The following CD47 variants were observed in gnomAD, a reference collection of about 807,000 sequenced individuals.
CD47 encodes the protein leukocyte surface antigen CD47.
CD47 carries 11 observed loss-of-function variants against 44.6 expected under a neutral mutation model. The ratio of observed to expected loss-of-function variants is 0.25; its 90% CI spans 0.16 to 0.41. CD47 has a LOEUF of 0.41. Ranked by LOEUF, CD47 falls within the 10% of genes least tolerant of loss-of-function variation. CD47 has a pLI of 1.00. For missense variants in CD47, 306 were observed against 386.7 expected, an observed-to-expected ratio of 0.79 and a Z score of 1.75; for synonymous variants, 140 against 136.3, an observed-to-expected ratio of 1.03 and a Z score of -0.19.
intron 1 of CD47, among the ~76,000 whole-genome samples, chr3:108,084,401 C>T (rs1385885818): frequency 6.6e-6 from 1 of 152,024 alleles, no homozygotes; most frequent in Non-Finnish European, 1.5e-5. Flanking sequence ...CCACCCCATC[C>T]TAGTTTGCTT....
At chr3:108,078,102 G>A (rs773982359) in intron 2 of CD47, among the ~76,000 whole-genome samples, 4 of 152,024 alleles carry the variant, frequency 2.6e-5, no homozygotes, top group Non-Finnish European at 4.4e-5. Flanking sequence ...TGGGGGGACT[G>A]GGTGAAGGGC....
intron 2 of CD47, among the ~76,000 whole-genome samples, chr3:108,079,470 T>C (rs546952288): frequency 6.9e-6 from 1 of 145,136 alleles, no homozygotes; most frequent in African/African-American, 2.6e-5. Flanking sequence ...TCTGAAGAAA[T>C]CATCCATGAT....
intron 3 of CD47, among the ~76,000 whole-genome samples, chr3:108,064,105 A>T (rs1029710668): frequency 6.6e-6 from 1 of 152,236 alleles, no homozygotes; most frequent in South Asian, 2.1e-4. Flanking sequence ...CCCTTTTGCT[A>T]GTCTAAATCA....
intron 2 of CD47, among the ~76,000 whole-genome samples, chr3:108,071,999 A>T (rs1038797658): frequency 6.6e-6 from 1 of 152,226 alleles, no homozygotes; most frequent in Admixed American, 6.5e-5. Flanking sequence ...GTCACATGTT[A>T]CTTTTATCAT....
intron 3 of CD47, among the ~76,000 whole-genome samples, chr3:108,061,553 A>G (rs1220870029): frequency 6.6e-6 from 1 of 152,198 alleles, no homozygotes; most frequent in African/African-American, 2.4e-5. Flanking sequence ...AACTGCAAAG[A>G]CTCAATGGGA....
intron 3 of CD47, among the ~76,000 whole-genome samples, chr3:108,067,246 G>A (rs1400409600): frequency 6.6e-6 from 1 of 152,164 alleles, no homozygotes. Context: ...AAATTTTAAA[G>A]GTCATGGAAC....
intron 3 of CD47, among the ~76,000 whole-genome samples, chr3:108,062,567 T>C (rs780157850): frequency 1.4e-4 from 21 of 152,084 alleles, no homozygotes; most frequent in Admixed American, 6.5e-5. Context: ...CAACAAGAAT[T>C]TGCCTTAGAG....
At chr3:108,064,513 G>A (rs920280036) in intron 3 of CD47, among the ~76,000 whole-genome samples, 1 of 152,178 alleles carries the variant, frequency 6.6e-6, no homozygotes, top group African/African-American at 2.4e-5. Flanking sequence ...AATGCAGGTT[G>A]TGACTGATGA....
At chr3:108,085,134 A>G (rs1345221701) in intron 1 of CD47, among the ~76,000 whole-genome samples, 2 of 152,084 alleles carry the variant, frequency 1.3e-5, no homozygotes, top group Non-Finnish European at 2.9e-5. Context: ...AGCTCCAATC[A>G]TAATGACGTT....
chr3:108,057,520 T>C lies in CD47; in HGVS notation c.834A>G (p.Leu278=), dbSNP rs1029576510. The change falls in exon 7 of 11, where the codon TTA becomes TTG. Residue 278 remains leucine (L), a synonymous_variant. Coordinates refer to ENST00000361309, the MANE Select transcript of CD47 (RefSeq NM_001777.4). ...GPLLISGLSI[L]ALAQLLGLVY... ...CTAGTCCAAGTAATTGTGCTAGAGC[T>C]AAGATACTCAAACCTGAAATCAGAA... 14 of 1,588,158 alleles carry C rather than the reference T, an allele frequency of 8.8e-6. No individual in the cohort carries two copies. Among genetic ancestry groups the C allele is most frequent in the Non-Finnish European group, 1.0e-5 (12 of 1,156,728 alleles).
At chr3:108,089,520 T>C (rs971293416) in intron 1 of CD47, among the ~76,000 whole-genome samples, 1 of 152,228 alleles carries the variant, frequency 6.6e-6, no homozygotes, top group African/African-American at 2.4e-5. Flanking sequence ...GAAGGCGTTC[T>C]GAAATTATTA....
chr3:108,076,417 T>G (rs1312358709), intron 2 of CD47, among the ~76,000 whole-genome samples: 1 of 152,204 alleles, frequency 6.6e-6, no homozygotes, highest in East Asian at 1.9e-4. Context: ...ACAGAAATAT[T>G]AATGATAAAT....
chr3:108,052,100 T>C, intron 7 of CD47, 130 bp from the exon 8 acceptor site: 1 of 550,678 alleles, frequency 1.8e-6, no homozygotes, highest in South Asian at 2.2e-5. Flanking sequence ...ATGAAAGAGT[T>C]CCAGCTCTGA....
chr3:108,066,154 T>C (rs995618908), intron 3 of CD47, among the ~76,000 whole-genome samples: 5 of 152,124 alleles, frequency 3.3e-5, no homozygotes, highest in African/African-American at 1.2e-4. Flanking sequence ...TTTCCTTGAA[T>C]TTTCTAACAA....
At chr3:108,058,960 G>A (rs2078965238) in intron 5 of CD47, among the ~76,000 whole-genome samples, 1 of 152,146 alleles carries the variant, frequency 6.6e-6, no homozygotes, top group Admixed American at 6.5e-5. Context: ...AAAATGCAGT[G>A]AAAATGATAC....
At chr3:108,070,032 C>T (rs1266454075) in intron 3 of CD47, among the ~76,000 whole-genome samples, 1 of 152,130 alleles carries the variant, frequency 6.6e-6, no homozygotes, top group Non-Finnish European at 1.5e-5. Flanking sequence ...AAGTTGAGAA[C>T]ATTTCTGAAA....
chr3:108,060,011 T>C (rs962407156), intron 4 of CD47, among the ~76,000 whole-genome samples: 7 of 152,208 alleles, frequency 4.6e-5, no homozygotes, highest in Non-Finnish European at 1.0e-4. Flanking sequence ...GCTATAGTTA[T>C]TAGGTTGAGT....
chr3:108,058,692 G>T (rs1030584943), intron 5 of CD47, among the ~76,000 whole-genome samples: 1 of 152,150 alleles, frequency 6.6e-6, no homozygotes, highest in African/African-American at 2.4e-5. Context: ...GAACAATGCT[G>T]CTTTTACCAC....
intron 1 of CD47, among the ~76,000 whole-genome samples, chr3:108,087,256 A>G (rs867103395): frequency 2.7e-4 from 41 of 152,160 alleles, no homozygotes; most frequent in African/African-American, 9.9e-4. Context: ...GGATGAAGTC[A>G]GATCTCTCCT....
Sources: allele counts gnomAD v4.1 joint callset (sites outside exome capture counted in the v4.1 genomes callset), GRCh38; gene constraint gnomAD v4.1.1; transcripts MANE v1.5; gene names NCBI Gene and HGNC (gene_info 2026-07-23, HGNC 2026-07-21).